The following MAGEC3 variants were observed in gnomAD, a reference collection of about 807,000 sequenced individuals.
MAGEC3 encodes the protein MAGE family member C3.
In MAGEC3, 34 loss-of-function variants were observed where a neutral mutation model predicts 35.3. That is an observed-to-expected ratio of 0.96 (90% CI 0.73 to 1.28). MAGEC3 has a LOEUF of 1.28. Among genes scored for constraint, MAGEC3 ranks in the 50% most tolerant of loss-of-function variants. The probability of loss-of-function intolerance (pLI) is 0.00; values close to 1 mark genes in which losing one functional copy is unlikely to be tolerated. For synonymous variants in MAGEC3, 202 were observed against 185.6 expected (o/e 1.09, Z -0.72); for missense variants, 561 against 483.6 (o/e 1.16, Z -1.50).
intron 1 of MAGEC3, among the ~76,000 whole-genome samples, chrX:141,862,759 G>T (rs150199301): frequency 8.9e-6 from 1 of 111,995 alleles, no homozygotes; most frequent in Admixed American, 9.5e-5. Context: ...GTGGAATGAC[G>T]GACACCAGAG....
chrX:141,854,232 A>G lies in MAGEC3; in HGVS notation c.124-11239A>G, dbSNP rs947706214. ...GGTTGCACACACACAGATGATTACA[A>G]TTTATGGTATGTCCTATGAAGAGAA... is the stretch of plus-strand genomic sequence containing the variant. On this transcript the variant is annotated intron_variant, in intron 1 of 7. Coordinates refer to ENST00000298296, the MANE Select transcript of MAGEC3 (RefSeq NM_138702.1). Among the ~76,000 whole-genome samples, 3 of 111,153 alleles carry G rather than the reference A, an allele frequency of 2.7e-5. No homozygotes were observed. In the East Asian group the frequency reaches 8.6e-4, roughly 32 times the overall value.
At chrX:141,849,501 A>G (rs2017737445) in intron 1 of MAGEC3, among the ~76,000 whole-genome samples, 2 of 111,235 alleles carry the variant, frequency 1.8e-5, no homozygotes, top group Non-Finnish European at 1.9e-5. Flanking sequence ...TTTGTAAACT[A>G]TGCATCTAAC....
intron 4 of MAGEC3, among the ~76,000 whole-genome samples, chrX:141,884,998 A>G (rs1312526222): frequency 9.0e-6 from 1 of 111,425 alleles, no homozygotes; most frequent in Non-Finnish European, 1.9e-5. Context: ...GTCTGAGGAG[A>G]TAAACCCTGT....
intron 4 of MAGEC3, among the ~76,000 whole-genome samples, chrX:141,888,552 G>A (rs1396703966): frequency 8.9e-6 from 1 of 112,341 alleles, no homozygotes; most frequent in Non-Finnish European, 1.9e-5. Context: ...TATGCCATGT[G>A]AGTGCTCACC....
chrX:141,849,061 G>T (rs2017734718), intron 1 of MAGEC3, among the ~76,000 whole-genome samples: 1 of 111,062 alleles, frequency 9.0e-6, no homozygotes, highest in Non-Finnish European at 1.9e-5. Context: ...CATGGTAGTG[G>T]TATAAAAACA....
At chrX:141,842,641 A>G (rs1342810713) in intron 1 of MAGEC3, among the ~76,000 whole-genome samples, 2 of 111,083 alleles carry the variant, frequency 1.8e-5, no homozygotes, top group African/African-American at 6.5e-5. Flanking sequence ...AATGTATTCC[A>G]CAAGTAGATT....
chrX:141,882,722 G>A (rs756674705), intron 4 of MAGEC3, among the ~76,000 whole-genome samples: 145 of 112,001 alleles, frequency 1.3e-3, no homozygotes, highest in Non-Finnish European at 2.3e-3. Context: ...CTTGCGGAGG[G>A]GACTCTTAAT....
At chrX:141,890,665 C>G (rs770749381) in intron 4 of MAGEC3, among the ~76,000 whole-genome samples, 1 of 112,223 alleles carries the variant, frequency 8.9e-6, no homozygotes, top group Non-Finnish European at 1.9e-5. Context: ...TGAAATATTT[C>G]AAGGTAATGT....
chrX:141,853,721 G>A (rs1021550215), intron 1 of MAGEC3, among the ~76,000 whole-genome samples: 2 of 111,312 alleles, frequency 1.8e-5, no homozygotes, highest in Non-Finnish European at 3.8e-5. Flanking sequence ...GCAGGGTAAG[G>A]TTTTGTGGGT....
At chrX:141,892,653 G>C (rs1262823297) in intron 4 of MAGEC3, among the ~76,000 whole-genome samples, 1 of 111,050 alleles carries the variant, frequency 9.0e-6, no homozygotes, top group Non-Finnish European at 1.9e-5. Context: ...CATTTTATCA[G>C]AGTTTTAAAT....
Position 141,897,400 on chromosome X carries a change from C to A in MAGEC3, c.1642C>A (p.Leu548Ile). ...IDDQGMPKNC[L>I]LILILSMIFI... ...TGACCAGGGCATGCCCAAGAACTGT[C>A]TCCTGATTCTTATTCTCAGTATGAT... The change falls in exon 7 of 8, where the codon CTC (leucine) becomes ATC (isoleucine). Residue 548 changes from leucine to isoleucine, a missense_variant. Physicochemically the swap from Leu to Ile is conservative, Grantham distance 5. Coordinates refer to ENST00000298296, the MANE Select transcript of MAGEC3 (RefSeq NM_138702.1). 8.3e-7 allele frequency: 1 copy of A among 1,211,771 alleles called. No homozygotes were observed.
intron 4 of MAGEC3, among the ~76,000 whole-genome samples, chrX:141,893,583 A>G (rs773459649): frequency 1.8e-5 from 2 of 109,554 alleles, no homozygotes; most frequent in East Asian, 2.9e-4. Context: ...GTATCAATAC[A>G]GGTCCATCAG....
chrX:141,846,865 C>G (rs186192161), intron 1 of MAGEC3, among the ~76,000 whole-genome samples: 270 of 110,929 alleles, frequency 2.4e-3, no homozygotes, highest in African/African-American at 8.2e-3. Flanking sequence ...GGTCATATTA[C>G]TCTCATTTTA....
intron 2 of MAGEC3, among the ~76,000 whole-genome samples, chrX:141,873,287 G>T (rs2017900011): frequency 9.0e-6 from 1 of 110,886 alleles, no homozygotes; most frequent in Non-Finnish European, 1.9e-5. Context: ...CATACTCCCT[G>T]AGTCTGCTTT....
chrX:141,874,464 T>C (rs973794725), intron 2 of MAGEC3, among the ~76,000 whole-genome samples: 1 of 112,012 alleles, frequency 8.9e-6, no homozygotes, highest in Non-Finnish European at 1.9e-5. Context: ...TGACTGAAGA[T>C]GTGTATCAAA....
Position 141,894,808 on chromosome X carries a change from CGGAGAGGTGGGCAG to C in MAGEC3, c.910-448_910-435del, listed in dbSNP as rs1187460931. The C allele has an allele frequency of 2.4e-5, 23 of 947,776 alleles. No homozygotes were observed. In the Admixed American group the frequency reaches 7.5e-4, roughly 31 times the overall value. 78.1% of individuals were successfully genotyped at this position (947,776 alleles called of 1,213,427 possible). On this transcript the variant is annotated intron_variant, in intron 4 of 7. Coordinates refer to ENST00000298296, the MANE Select transcript of MAGEC3 (RefSeq NM_138702.1). The stretch of plus-strand genomic sequence containing the variant: ...GACAAAACAGATGGAGAGGTGAAAA[CGGAGAGGTGGGCAG>C]GGAGAGGTGGGCGAAGGGCAGGGAA...
intron 2 of MAGEC3, 77 bp from the exon 3 acceptor site, chrX:141,879,098 C>T: frequency 9.1e-7 from 1 of 1,093,526 alleles, no homozygotes; most frequent in Non-Finnish European, 1.2e-6. Context: ...GGAGTCCAGG[C>T]ACAGCCTCTC....
chrX:141,875,374 A>C (rs1170012051), intron 2 of MAGEC3, among the ~76,000 whole-genome samples: 1 of 111,804 alleles, frequency 8.9e-6, no homozygotes, highest in Non-Finnish European at 1.9e-5. Context: ...AACTTCTCTG[A>C]ACCACACACA....
chrX:141,862,725 G>A (rs980996034), intron 1 of MAGEC3, among the ~76,000 whole-genome samples: 1 of 112,386 alleles, frequency 8.9e-6, no homozygotes, highest in African/African-American at 3.2e-5. Flanking sequence ...GTGAGATAAA[G>A]TGTTGATCAC....
Sources: allele counts gnomAD v4.1 joint callset (sites outside exome capture counted in the v4.1 genomes callset), GRCh38; gene constraint gnomAD v4.1.1; transcripts MANE v1.5; gene names NCBI Gene and HGNC (gene_info 2026-07-23, HGNC 2026-07-21).